SORCS3: variants seen among roughly 807,000 people sequenced by gnomAD.
The protein encoded by SORCS3 is sortilin related VPS10 domain containing receptor 3.
Under a neutral mutation model 146.3 loss-of-function variants are expected in SORCS3, and 57 were observed. The ratio of observed to expected loss-of-function variants is 0.39; its 90% CI spans 0.31 to 0.49. The LOEUF is 0.49. Among genes scored for constraint, SORCS3 ranks in the 20% least tolerant of loss-of-function variants. The pLI is 0.92. For missense variants in SORCS3, 1,341 were observed against 1,575.5 expected, an observed-to-expected ratio of 0.85 and a Z score of 2.52; for synonymous variants, 653 against 618.5, an observed-to-expected ratio of 1.06 and a Z score of -0.83.
At chr10:104,921,353 A>G (rs1330194238) in intron 3 of SORCS3, among the ~76,000 whole-genome samples, 3 of 152,130 alleles carry the variant, frequency 2.0e-5, no homozygotes, top group Non-Finnish European at 4.4e-5. Context: ...CAGGCATGTT[A>G]TTGTCTAATT....
chr10:105,038,523 A>G (rs1251869339), intron 4 of SORCS3, among the ~76,000 whole-genome samples: 2 of 152,228 alleles, frequency 1.3e-5, no homozygotes, highest in Non-Finnish European at 2.9e-5. Flanking sequence ...TACACATGGT[A>G]ATTAGAAATT....
At chr10:105,109,031 G>A (rs1218065634) in intron 7 of SORCS3, among the ~76,000 whole-genome samples, 2 of 152,088 alleles carry the variant, frequency 1.3e-5, no homozygotes, top group Admixed American at 1.3e-4. Flanking sequence ...CTGTGTGTCT[G>A]ATAATTTTGA....
At chr10:105,057,266 G>T (rs2055451698) in intron 5 of SORCS3, among the ~76,000 whole-genome samples, 1 of 151,940 alleles carries the variant, frequency 6.6e-6, no homozygotes, top group African/African-American at 2.4e-5. Context: ...AATTAGCTTT[G>T]TATATTGGAC....
intron 1 of SORCS3, among the ~76,000 whole-genome samples, chr10:104,774,605 A>G (rs2017288549): frequency 6.6e-6 from 1 of 152,228 alleles, no homozygotes; most frequent in Admixed American, 6.5e-5. Context: ...CCTGACAAGA[A>G]AGATAGATTT....
At chr10:105,016,835 C>CA (rs1181125060) in intron 4 of SORCS3, among the ~76,000 whole-genome samples, 35 of 152,054 alleles carry the variant, frequency 2.3e-4, no homozygotes, top group African/African-American at 8.2e-4. Flanking sequence ...GGCTGGCCTA[C>CA]TCAAAACTCA....
intron 3 of SORCS3, among the ~76,000 whole-genome samples, chr10:104,926,620 A>G (rs377690448): frequency 1.3e-5 from 2 of 152,244 alleles, no homozygotes; most frequent in African/African-American, 4.8e-5. Flanking sequence ...ACACCGGTCT[A>G]GGAGTTTCCA....
intron 1 of SORCS3, among the ~76,000 whole-genome samples, chr10:104,781,676 A>G (rs762828823): frequency 2.6e-5 from 4 of 152,268 alleles, no homozygotes; most frequent in Non-Finnish European, 5.9e-5. Flanking sequence ...AAGTATATTT[A>G]CTGTATCATT....
chr10:104,844,903 G>A (rs1443659915), intron 2 of SORCS3, among the ~76,000 whole-genome samples: 1 of 152,264 alleles, frequency 6.6e-6, no homozygotes, highest in Non-Finnish European at 1.5e-5. Flanking sequence ...TATAGATTCT[G>A]GGAGTTAGGA....
At chr10:105,002,605 A>G (rs893969673) in intron 4 of SORCS3, among the ~76,000 whole-genome samples, 35 of 152,226 alleles carry the variant, frequency 2.3e-4, no homozygotes, top group Admixed American at 1.4e-3. Context: ...CCATTTCTCA[A>G]TGGCACTAAC....
intron 3 of SORCS3, among the ~76,000 whole-genome samples, chr10:104,926,076 G>A (rs960194335): frequency 2.6e-5 from 4 of 152,288 alleles, no homozygotes; most frequent in Admixed American, 1.3e-4. Flanking sequence ...AGTGCTGACC[G>A]CAGTGGCTGC....
At chr10:104,696,642 A>G (rs1210356767) in intron 1 of SORCS3, among the ~76,000 whole-genome samples, 1 of 55,150 alleles carries the variant, frequency 1.8e-5, no homozygotes, top group South Asian at 4.5e-4. Flanking sequence ...TATTATATAT[A>G]ATATATATTA....
intron 4 of SORCS3, among the ~76,000 whole-genome samples, chr10:105,037,320 G>T (rs1045615717): frequency 1.3e-5 from 2 of 152,216 alleles, no homozygotes; most frequent in East Asian, 3.9e-4. Context: ...GGCAGGGGGT[G>T]TGAGATGCCC....
At chr10:104,898,454 G>A (rs1303850962) in intron 2 of SORCS3, among the ~76,000 whole-genome samples, 1 of 152,120 alleles carries the variant, frequency 6.6e-6, no homozygotes, top group Non-Finnish European at 1.5e-5. Context: ...TTTCCTTGGG[G>A]GCCATAAGTA....
intron 1 of SORCS3, among the ~76,000 whole-genome samples, chr10:104,722,827 C>T (rs1435417311): frequency 2.6e-5 from 4 of 151,828 alleles, no homozygotes; most frequent in Non-Finnish European, 4.4e-5. Flanking sequence ...TGGTGATATC[C>T]CCTTTATCAT....
At chr10:105,230,272 G>C (rs571362399) in intron 20 of SORCS3, among the ~76,000 whole-genome samples, 1 of 152,090 alleles carries the variant, frequency 6.6e-6, no homozygotes, top group Non-Finnish European at 1.5e-5. Context: ...TGCAGGTACT[G>C]GCTGTGGTAG....
intron 4 of SORCS3, among the ~76,000 whole-genome samples, chr10:104,980,431 A>G (rs1043453479): frequency 6.6e-6 from 1 of 152,168 alleles, no homozygotes; most frequent in African/African-American, 2.4e-5. Context: ...TTTGGGGGTA[A>G]TTTAGTAGTT....
intron 1 of SORCS3, among the ~76,000 whole-genome samples, chr10:104,748,437 C>T (rs911401826): frequency 7.2e-5 from 11 of 152,040 alleles, no homozygotes; most frequent in Admixed American, 5.9e-4. Context: ...CAATGGGAAC[C>T]GTCTGGAATC....
chr10:104,887,326 A>G (rs2018699315), intron 2 of SORCS3, among the ~76,000 whole-genome samples: 1 of 148,080 alleles, frequency 6.8e-6, no homozygotes, highest in African/African-American at 2.6e-5. Context: ...CAGAGGACAT[A>G]CTAGAAAGAG....
At chr10:104,719,564 A>G (rs974492560) in intron 1 of SORCS3, among the ~76,000 whole-genome samples, 2 of 152,138 alleles carry the variant, frequency 1.3e-5, no homozygotes, top group Non-Finnish European at 1.5e-5. Flanking sequence ...CTTAGACTAA[A>G]TTGCTTCGCT....
Sources: gnomAD v4.1 joint callset for allele counts (sites outside exome capture counted in the v4.1 genomes callset) on GRCh38, gnomAD v4.1.1 for gene constraint, MANE v1.5 for transcripts, NCBI Gene and HGNC (gene_info 2026-07-23, HGNC 2026-07-21) for gene names.